The following TEX10 variants were observed in gnomAD, a reference collection of about 807,000 sequenced individuals.
TEX10 encodes the protein testis expressed 10.
In TEX10, 24 loss-of-function variants were observed where a neutral mutation model predicts 104.4. The ratio of observed to expected loss-of-function variants is 0.23; its 90% CI spans 0.17 to 0.32. The LOEUF is 0.32. TEX10 is among the 10% of genes least tolerant of loss of function. The pLI, the probability that TEX10 is intolerant of heterozygous loss-of-function variation, is 1.00. For synonymous variants in TEX10, 396 were observed against 393.4 expected, an observed-to-expected ratio of 1.01 and a Z score of -0.08; for missense variants, 921 against 1,083.9, an observed-to-expected ratio of 0.85 and a Z score of 2.11.
chr9:100,308,636 CA>C lies in TEX10; in HGVS notation c.2328del (p.Phe776LeufsTer13). On this transcript the variant is annotated frameshift_variant, in exon 13 of 15. Transcript: ENST00000374902. LOFTEE classifies it high-confidence loss of function. ...VIPDSTAGCV[F>X]GVICKLLDHT... The stretch of plus-strand genomic sequence containing the variant: ...TGATCCAGGAGCTTACAGATAACAC[CA>C]AAAACACAGCCAGCCGTGCTGTCAG... The C allele has an allele frequency of 6.2e-7, 1 of 1,608,874 alleles. No homozygotes were observed. The highest frequency in any genetic ancestry group is 1.7e-5 in the Admixed American group (1 of 59,230).
At chr9:100,307,153 G>A (rs368702445) in intron 13 of TEX10, 1 of 152,112 alleles carries the variant, frequency 6.6e-6, no homozygotes, top group South Asian at 2.1e-4. Flanking sequence ...TACTCTTACT[G>A]GAAAAAATTT....
At chr9:100,322,922 ATATTCT>A (rs1265483062) in intron 9 of TEX10, among the ~76,000 whole-genome samples, 2 of 152,060 alleles carry the variant, frequency 1.3e-5, no homozygotes, top group Non-Finnish European at 2.9e-5. Context: ...AGCCTTATTA[ATATTCT>A]TAAGGAGGGG....
At chr9:100,310,974 C>T (rs1323221627) in intron 11 of TEX10, among the ~76,000 whole-genome samples, 2 of 152,030 alleles carry the variant, frequency 1.3e-5, no homozygotes, top group African/African-American at 4.8e-5. Context: ...AAGTGGCTTA[C>T]AATCTACCAA....
rs1405356104 is a variant in TEX10, at chr9:100,346,153, A to C, written c.1056T>G (p.Pro352=). Residue 352 remains proline, a synonymous_variant, in exon 4 of 15, where the codon CCT becomes CCG. Coordinates refer to ENST00000374902, the MANE Select transcript of TEX10 (RefSeq NM_017746.4). The part of the protein sequence containing the change: ...TPVGNGIERE[P]LQVMQQVLNI... The stretch of plus-strand genomic sequence containing the variant: ...TAAGAACTTGCTGCATAACCTGTAG[A>C]GGTTCTCGTTCTATACCATTCCCAA... 1 of 1,614,050 alleles carries C rather than the reference A, an allele frequency of 6.2e-7. No individual in the cohort carries two copies. The highest frequency in any genetic ancestry group is 2.2e-5 in the East Asian group (1 of 44,860).
intron 11 of TEX10, among the ~76,000 whole-genome samples, chr9:100,313,859 A>G (rs1390451880): frequency 6.6e-6 from 1 of 151,970 alleles, no homozygotes; most frequent in Non-Finnish European, 1.5e-5. Context: ...AAAAAAAAAA[A>G]AAAGAGACAC....
chr9:100,348,678 C>T (rs1457112002), intron 2 of TEX10, among the ~76,000 whole-genome samples: 1 of 152,186 alleles, frequency 6.6e-6, no homozygotes, highest in East Asian at 1.9e-4. Flanking sequence ...CCTCAGGAGG[C>T]CTTGGCTGGA....
At chr9:100,330,337 T>A (rs1834825393) in intron 5 of TEX10, among the ~76,000 whole-genome samples, 168 bp from the exon 6 acceptor site, 1 of 152,232 alleles carries the variant, frequency 6.6e-6, no homozygotes, top group East Asian at 1.9e-4. Flanking sequence ...GTTCTATAAA[T>A]AAACCATTTC....
rs370928731 is a variant in TEX10 at position 100,349,385 on chromosome 9, G to T, written c.-9-13C>A. On this transcript the variant is annotated splice_polypyrimidine_tract_variant and intron_variant, in intron 1 of 14. Transcript: ENST00000374902. ...TCATTCTCGACTACTATAATGAAAA[G>T]AATTAATTAAAAGCAATGGATAGAG... 127 of 1,516,266 alleles carry T rather than the reference G, an allele frequency of 8.4e-5. No individual in the cohort carries two copies. The highest frequency in any genetic ancestry group is 1.0e-4 in the Non-Finnish European group (118 of 1,133,704). 93.9% of individuals were successfully genotyped at this position (1,516,266 alleles called of 1,614,324 possible). A position where few individuals can be genotyped will look rare whatever the true frequency, so the allele number is the denominator to read the frequency against.
chr9:100,325,722 G>T (rs529959832), intron 9 of TEX10, among the ~76,000 whole-genome samples: 9 of 152,148 alleles, frequency 5.9e-5, no homozygotes, highest in Non-Finnish European at 8.8e-5. Context: ...GCAGAGATGG[G>T]GTTTCACCAT....
intron 9 of TEX10, among the ~76,000 whole-genome samples, chr9:100,323,111 A>C (rs1834613320): frequency 6.6e-6 from 1 of 152,216 alleles, no homozygotes; most frequent in Non-Finnish European, 1.5e-5. Flanking sequence ...GACCTCAATG[A>C]AAACAGGAAG....
intron 5 of TEX10, among the ~76,000 whole-genome samples, chr9:100,337,192 C>G (rs1315191480): frequency 6.6e-6 from 1 of 152,144 alleles, no homozygotes; most frequent in Non-Finnish European, 1.5e-5. Context: ...TTCATTAGAC[C>G]GTACTCCATG....
chr9:100,339,298 T>C (rs10989059), intron 5 of TEX10, among the ~76,000 whole-genome samples: 1 of 131,568 alleles, frequency 7.6e-6, no homozygotes, highest in African/African-American at 2.9e-5. Context: ...TATACATATA[T>C]ATATACACAT....
intron 5 of TEX10, among the ~76,000 whole-genome samples, chr9:100,339,618 C>A (rs969675201): frequency 1.3e-5 from 2 of 151,962 alleles, no homozygotes; most frequent in East Asian, 1.9e-4. Context: ...GAGCCTTTGA[C>A]AGATTTTAAG....
intron 1 of TEX10, 139 bp from the exon 2 acceptor site, chr9:100,349,511 T>C (rs923550398): frequency 3.4e-6 from 2 of 579,934 alleles, no homozygotes; most frequent in African/African-American, 3.9e-5. Context: ...GATCAAAATA[T>C]TAAAAAATGC....
At chr9:100,316,051 C>T (rs1834409545) in intron 11 of TEX10, among the ~76,000 whole-genome samples, 2 of 152,196 alleles carry the variant, frequency 1.3e-5, no homozygotes, top group Non-Finnish European at 2.9e-5. Flanking sequence ...AGCTTAGTCA[C>T]TTTACATAAG....
Position 100,302,234 on chromosome 9 carries a change from G to GTGA in TEX10, c.2744_2746dup (p.Ile915dup), listed in dbSNP as rs771306898. ...TGCACTGGGCCCTTGGGGATGCCCA[G>GTGA]TGATATACACGTTGAAGCAGTAATG... On this transcript the variant is annotated inframe_insertion, in exon 15 of 15. Coordinates refer to ENST00000374902, the MANE Select transcript of TEX10 (RefSeq NM_017746.4). The GTGA allele has an allele frequency of 1.2e-6, 2 of 1,613,430 alleles. No homozygotes were observed. Among genetic ancestry groups the GTGA allele is most frequent in the East Asian group, 2.2e-5 (1 of 44,854 alleles).
intron 11 of TEX10, 130 bp downstream of exon 11, chr9:100,320,135 C>A (rs944463806): frequency 1.1e-6 from 1 of 870,098 alleles, no homozygotes; most frequent in Non-Finnish European, 1.6e-6. Context: ...TTCTCCCATC[C>A]AAGATTATAA....
intron 4 of TEX10, among the ~76,000 whole-genome samples, chr9:100,342,390 C>G (rs1835194667): frequency 6.6e-6 from 1 of 152,142 alleles, no homozygotes; most frequent in Non-Finnish European, 1.5e-5. Flanking sequence ...CCTTATCAAC[C>G]ATGTTTATCT....
intron 11 of TEX10, among the ~76,000 whole-genome samples, chr9:100,316,291 A>C (rs980095447): frequency 6.6e-6 from 1 of 152,214 alleles, no homozygotes; most frequent in Non-Finnish European, 1.5e-5. Context: ...TCATTTCAAA[A>C]GACACAAAAA....
Sources: allele counts gnomAD v4.1 joint callset (sites outside exome capture counted in the v4.1 genomes callset), GRCh38; gene constraint gnomAD v4.1.1; transcripts MANE v1.5; gene names NCBI Gene and HGNC (gene_info 2026-07-23, HGNC 2026-07-21).